The following CCDC66 variants were observed in gnomAD, a reference collection of about 807,000 sequenced individuals.
The protein encoded by CCDC66 is coiled-coil domain containing 66, also known as coiled-coil domain-containing protein 66.
Under a neutral mutation model 128.3 loss-of-function variants are expected in CCDC66, and 133 were observed. The ratio of observed to expected loss-of-function variants is 1.04; its 90% confidence interval spans 0.90 to 1.20. The LOEUF (loss-of-function observed/expected upper bound fraction) is 1.20, where lower values mean the gene tolerates loss of function less well. Among genes scored for constraint, CCDC66 ranks in the 50% most tolerant of loss-of-function variants. The pLI is 0.00. For missense variants in CCDC66, 1,126 were observed against 1,075.5 expected (o/e 1.05, Z -0.66); for synonymous variants, 387 against 357.0 (o/e 1.08, Z -0.95).
At chr3:56,571,821 G>A (rs1252937181) in intron 7 of CCDC66, among the ~76,000 whole-genome samples, 1 of 151,536 alleles carries the variant, frequency 6.6e-6, no homozygotes, top group African/African-American at 2.4e-5. Flanking sequence ...TGGACTGAAG[G>A]GATCCTCCTG....
Position 56,571,285 on chromosome 3 carries a change from A to G in CCDC66, c.919A>G (p.Ile307Val). 1 of 1,531,918 alleles carries G rather than the reference A, an allele frequency of 6.5e-7. No individual in the cohort carries two copies. The highest frequency in any genetic ancestry group is 8.9e-7 in the Non-Finnish European group (1 of 1,120,358). 94.9% of individuals were successfully genotyped at this position (1,531,918 alleles called of 1,614,324 possible). ...TAAAATAATATGGGAAAAACATCAA[A>G]TTCTTGACCAATCTAGGGTAAGACA... Reference protein sequence around the residue: ...SDKIIWEKHQILDQSRETVLL... With the variant: ...SDKIIWEKHQVLDQSRETVLL... The change falls in exon 7 of 18, where the codon ATT becomes GTT. Residue 307 changes from isoleucine to valine, a missense_variant. Transcript: ENST00000394672.
intron 3 of CCDC66, chr3:56,561,226 G>A (rs1345061874): frequency 4.4e-6 from 2 of 456,172 alleles, no homozygotes; most frequent in Non-Finnish European, 8.8e-6. Context: ...ATGAAAAGCT[G>A]TTTGTAATGG....
At chr3:56,561,919 A>G (rs1476825746) in intron 3 of CCDC66, among the ~76,000 whole-genome samples, 1 of 151,992 alleles carries the variant, frequency 6.6e-6, no homozygotes, top group Non-Finnish European at 1.5e-5. Flanking sequence ...TGGTTGAATT[A>G]TTGTAATCTC....
chr3:56,585,556 A>T (rs1037722459), intron 7 of CCDC66, among the ~76,000 whole-genome samples: 1 of 151,988 alleles, frequency 6.6e-6, no homozygotes, highest in Middle Eastern at 3.4e-3. Flanking sequence ...GGTTGAATGA[A>T]AAGAGGGCCA....
chr3:56,586,417 G>C (rs1266874215), intron 7 of CCDC66, among the ~76,000 whole-genome samples: 1 of 151,526 alleles, frequency 6.6e-6, no homozygotes, highest in African/African-American at 2.4e-5. Flanking sequence ...TGTAATCCCA[G>C]CTACTCAGGA....
chr3:56,601,916 C>G (rs564670104), intron 10 of CCDC66, among the ~76,000 whole-genome samples: 1 of 152,196 alleles, frequency 6.6e-6, no homozygotes, highest in African/African-American at 2.4e-5. Context: ...CATCTGCAAA[C>G]AGAGACAACT....
chr3:56,587,400 C>T (rs930345666), intron 7 of CCDC66, among the ~76,000 whole-genome samples: 2 of 151,830 alleles, frequency 1.3e-5, no homozygotes, highest in Non-Finnish European at 2.9e-5. Flanking sequence ...ATACAGAAAG[C>T]ATAGTGGCTT....
rs1167569808 is a variant in CCDC66 at position 56,586,463 on chromosome 3, A to C, written c.937-6507A>C. Among the ~76,000 whole-genome samples, 3 of 151,564 alleles carry C rather than the reference A, an allele frequency of 2.0e-5. No homozygotes were observed. The Admixed American group carries it at 2.0e-4, about 10-fold the overall frequency. ...GGGGAATGGCTTGAACCTGGGAGGC[A>C]AAGGTTACAGTGAGCTGAGATCACA... is the stretch of plus-strand genomic sequence containing the variant. On this transcript the variant is annotated intron_variant, in intron 7 of 17. Coordinates refer to ENST00000394672, the MANE Select transcript of CCDC66 (RefSeq NM_001141947.3).
Position 56,566,447 on chromosome 3 carries a change from A to G in CCDC66, c.545-147A>G, listed in dbSNP as rs6791631. The G allele has an allele frequency of 5.9e-6, 3 of 512,230 alleles. No individual in the cohort carries two copies. In the Admixed American group the frequency reaches 1.1e-4, roughly 19 times the overall value. The allele number at this position is 512,230 out of a possible 1,614,324, so 31.7% of individuals were successfully genotyped here. A position where few individuals can be genotyped will look rare whatever the true frequency, so the allele number is the denominator to read the frequency against. ...GCTTCCTTTTTTTCTTTTTGACAGG[A>G]AGGGAAACTTAATGGCTACCTCAAG... is the stretch of plus-strand genomic sequence containing the variant. On this transcript the variant is annotated intron_variant, in intron 4 of 17. Transcript: ENST00000394672.
intron 17 of CCDC66, 118 bp from the exon 18 acceptor site, chr3:56,621,398 CTGAAAAAATTTTTGAA>C (rs1375630273): frequency 3.6e-6 from 2 of 549,548 alleles, no homozygotes; most frequent in Non-Finnish European, 6.4e-6. Flanking sequence ...ACAAGCATTT[CTGAAAAAATTTTTGAA>C]TGACAAAATT....
rs376110533 is a variant in CCDC66, at chr3:56,596,601, T to G, written c.1404+2573T>G. ...GTTTCCTTTCCCGTGCAGAAGATTTTTAGTTCAATGTAGCCCTATTCGTAT... is the reference window on the plus strand; with the variant it reads ...GTTTCCTTTCCCGTGCAGAAGATTTGTAGTTCAATGTAGCCCTATTCGTAT... On this transcript the variant is annotated intron_variant, in intron 10 of 17. Coordinates refer to ENST00000394672, the MANE Select transcript of CCDC66 (RefSeq NM_001141947.3). Among the ~76,000 whole-genome samples, 5 of 152,024 alleles carry G rather than the reference T, an allele frequency of 3.3e-5. 1 individual carries two copies. The South Asian group carries it at 8.3e-4, about 25-fold the overall frequency.
At chr3:56,574,023 C>T (rs1483404452) in intron 7 of CCDC66, among the ~76,000 whole-genome samples, 6 of 151,542 alleles carry the variant, frequency 4.0e-5, no homozygotes, top group Non-Finnish European at 8.8e-5. Context: ...GACTGGACAA[C>T]CAAGAGTTAA....
intron 6 of CCDC66, chr3:56,569,402 G>A: frequency 3.6e-6 from 1 of 275,206 alleles, no homozygotes; most frequent in South Asian, 3.4e-5. Flanking sequence ...AGGCAAAGGG[G>A]GAGCAGGCAT....
chr3:56,617,590 G>C lies in CCDC66; in HGVS notation c.2322G>C (p.Trp774Cys). 1 of 1,599,424 alleles carries C rather than the reference G, an allele frequency of 6.3e-7. No individual in the cohort carries two copies. The highest frequency in any genetic ancestry group is 1.1e-5 in the South Asian group (1 of 88,084). The part of the protein sequence containing the change: ...SHQETESKLR[W>C]HLVKKEEEPL... ...AAGAAACGGAGTCAAAGTTGAGGTGGCATCTAGTCAAAAAGGTAAAGCTCT... is the reference window on the plus strand; with the variant it reads ...AAGAAACGGAGTCAAAGTTGAGGTGCCATCTAGTCAAAAAGGTAAAGCTCT... Residue 774 changes from tryptophan (W) to cysteine (C), a missense_variant, in exon 14 of 18, where the codon TGG (tryptophan) becomes TGC (cysteine). By Grantham distance (215) the Trp-to-Cys change is radical. Coordinates refer to ENST00000394672, the MANE Select transcript of CCDC66 (RefSeq NM_001141947.3).
intron 3 of CCDC66, 189 bp from the exon 4 acceptor site, chr3:56,563,495 C>T: frequency 1.8e-6 from 1 of 545,460 alleles, no homozygotes. Context: ...AATAAAAGTT[C>T]CTGAAGTAAG....
At position 56,603,967 on chromosome 3, in the gene CCDC66, C is replaced by G. The variant is rs182898270; in HGVS notation, c.1405-9622C>G. ...AGGACTTGCTTTATGAATCTGGGTG[C>G]TTCTGTTTTGGGTACATATATATTT... On this transcript the variant is annotated intron_variant, in intron 10 of 17. Transcript: ENST00000394672. Among the ~76,000 whole-genome samples, 174 of 152,148 alleles carry G rather than the reference C, an allele frequency of 1.1e-3. 1 individual carries two copies. Among genetic ancestry groups the G allele is most frequent in the Admixed American group, 1.8e-3 (28 of 15,286 alleles).
At chr3:56,564,467 C>T (rs563574166) in intron 4 of CCDC66, among the ~76,000 whole-genome samples, 188 of 152,220 alleles carry the variant, frequency 1.2e-3, no homozygotes, top group East Asian at 3.5e-3. Context: ...AAACAAATTA[C>T]GGTATTTCCA....
chr3:56,579,013 G>A (rs1443870222), intron 7 of CCDC66, among the ~76,000 whole-genome samples: 1 of 151,774 alleles, frequency 6.6e-6, no homozygotes, highest in African/African-American at 2.4e-5. Context: ...ACCTCTGGTC[G>A]AATTTGGCTG....
At chr3:56,572,331 T>A in intron 7 of CCDC66, 4 of 1,286,054 alleles carry the variant, frequency 3.1e-6, no homozygotes, top group Non-Finnish European at 4.1e-6. Context: ...TTTACACTTC[T>A]GCTAGCTCTT....
Sources: allele counts gnomAD v4.1 joint callset (sites outside exome capture counted in the v4.1 genomes callset), GRCh38; gene constraint gnomAD v4.1.1; transcripts MANE v1.5; gene names NCBI Gene and HGNC (gene_info 2026-07-23, HGNC 2026-07-21).